Variants in FER observed in about 807,000 individuals in gnomAD.
FER encodes the protein FER tyrosine kinase, also known as tyrosine-protein kinase Fer.
A neutral mutation model predicts 111.0 loss-of-function variants in FER; 63 were observed. The ratio of observed to expected loss-of-function variants is 0.57; its 90% CI spans 0.46 to 0.70. The LOEUF is 0.70. Among genes scored for constraint, FER ranks in the 30% least tolerant of loss-of-function variants. FER has a pLI of 0.00. For synonymous variants in FER, 327 were observed against 313.9 expected (o/e 1.04, Z -0.44); for missense variants, 914 against 954.0 (o/e 0.96, Z 0.55).
chr5:109,097,383 C>A (rs145372915), intron 16 of FER, among the ~76,000 whole-genome samples: 1,656 of 151,070 alleles, frequency 0.011, 17 homozygotes, highest in Non-Finnish European at 0.014. Flanking sequence ...TCTTGATAAG[C>A]AGAATTACAA....
rs111943459 is a variant in FER at position 108,946,302 on chromosome 5, A to ATG, written c.1329+94_1329+95dup. On this transcript the variant is annotated intron_variant, in intron 11 of 19. Coordinates refer to ENST00000281092, the MANE Select transcript of FER (RefSeq NM_005246.4). ...CTGATGCACTAATGAATATATATAT[A>ATG]TGTGTGTGTGTGTGTATATATATGT... 1.6e-3 allele frequency: 1,401 copies of ATG among 859,016 alleles called. 9 individuals are homozygous for ATG. The African/African-American group carries it at 0.017, about 11-fold the overall frequency. 53.2% of individuals were successfully genotyped at this position (859,016 alleles called of 1,614,324 possible). A position where few individuals can be genotyped will look rare whatever the true frequency, so the allele number is the denominator to read the frequency against.
chr5:109,100,949 A>G (rs1582031488), intron 17 of FER, among the ~76,000 whole-genome samples: 1 of 148,328 alleles, frequency 6.7e-6, no homozygotes, highest in East Asian at 1.9e-4. Context: ...GGTCAAGGGT[A>G]AAAGATTTTC....
At chr5:108,911,330 C>T (rs1199547098) in intron 10 of FER, among the ~76,000 whole-genome samples, 1 of 151,026 alleles carries the variant, frequency 6.6e-6, no homozygotes, top group Non-Finnish European at 1.5e-5. Flanking sequence ...TCATTTTTTT[C>T]TTGTGTTGTT....
At chr5:108,840,482 T>A (rs1387490875) in intron 5 of FER, among the ~76,000 whole-genome samples, 1 of 152,168 alleles carries the variant, frequency 6.6e-6, no homozygotes, top group African/African-American at 2.4e-5. Flanking sequence ...GTCTGTAGAC[T>A]CTTAGTCTTT....
intron 3 of FER, among the ~76,000 whole-genome samples, chr5:108,806,715 T>A (rs1757247716): frequency 6.6e-6 from 1 of 152,208 alleles, no homozygotes; most frequent in Admixed American, 6.5e-5. Context: ...CCCTTTGTTT[T>A]GGCCAGCGTC....
chr5:108,938,017 ATCTCTCTC>A (rs141336704), intron 10 of FER, among the ~76,000 whole-genome samples: 8 of 99,288 alleles, frequency 8.1e-5, no homozygotes, highest in Admixed American at 1.2e-4. Context: ...TTTTTTCCCT[ATCTCTCTC>A]TCACACACAC....
At chr5:108,788,804 T>C (rs957873542) in intron 2 of FER, among the ~76,000 whole-genome samples, 11 of 152,214 alleles carry the variant, frequency 7.2e-5, no homozygotes, top group Non-Finnish European at 5.9e-5. Flanking sequence ...CGATTATAGT[T>C]TACTCAAAGT....
chr5:108,854,562 T>G (rs1762819844), intron 5 of FER, among the ~76,000 whole-genome samples: 1 of 152,214 alleles, frequency 6.6e-6, no homozygotes, highest in Non-Finnish European at 1.5e-5. Flanking sequence ...TGTATTGTTT[T>G]GGGGGTTTTA....
intron 3 of FER, among the ~76,000 whole-genome samples, chr5:108,816,097 T>C (rs368312509): frequency 2.0e-5 from 3 of 151,858 alleles, no homozygotes; most frequent in African/African-American, 7.2e-5. Flanking sequence ...ACACCACACA[T>C]ATATACACAC....
intron 11 of FER, among the ~76,000 whole-genome samples, chr5:108,951,913 A>G (rs3906419): frequency 1.3e-5 from 2 of 151,996 alleles, no homozygotes; most frequent in African/African-American, 4.8e-5. Context: ...GGAGAAAAAA[A>G]TAATCTCTTT....
At chr5:108,997,833 G>A (rs190828427) in intron 13 of FER, among the ~76,000 whole-genome samples, 175 of 152,260 alleles carry the variant, frequency 1.1e-3, no homozygotes, top group Non-Finnish European at 2.3e-3. Flanking sequence ...CCTGCCCAGA[G>A]AGGAGGAATC....
At chr5:108,921,247 A>G (rs1752983647) in intron 10 of FER, among the ~76,000 whole-genome samples, 2 of 152,150 alleles carry the variant, frequency 1.3e-5, no homozygotes, top group Admixed American at 1.3e-4. Context: ...GTTGGTTAGA[A>G]TTTACTCTGT....
chr5:109,131,372 C>G (rs1467990728), intron 17 of FER, among the ~76,000 whole-genome samples: 1 of 152,040 alleles, frequency 6.6e-6, no homozygotes, highest in Non-Finnish European at 1.5e-5. Flanking sequence ...CTGTTGAGTT[C>G]TTCCCTGTCA....
intron 3 of FER, among the ~76,000 whole-genome samples, chr5:108,801,704 C>A (rs549492809): frequency 1.3e-5 from 2 of 152,284 alleles, no homozygotes; most frequent in African/African-American, 4.8e-5. Context: ...TTCATTCTTA[C>A]TGTAGCTCTT....
intron 16 of FER, among the ~76,000 whole-genome samples, chr5:109,089,289 T>C (rs1208785312): frequency 4.6e-5 from 7 of 152,182 alleles, no homozygotes; most frequent in East Asian, 1.9e-4. Flanking sequence ...AGAAAACACA[T>C]AGTGAAAAGT....
Position 109,189,844 on chromosome 5 carries a change from T to A in FER, c.*2269T>A, listed in dbSNP as rs1759250978. 6.6e-6 allele frequency: 1 copy of A among 152,228 alleles called. No homozygotes were observed. The highest frequency in any genetic ancestry group is 6.5e-5 in the Admixed American group (1 of 15,280). The allele number at this position is 152,228 out of a possible 1,614,324, so 9.4% of individuals were successfully genotyped here. A position where few individuals can be genotyped will look rare whatever the true frequency, so the allele number is the denominator to read the frequency against. ...CTGGTGTTAAGAATGAACACAGCAT[T>A]GATATTTCACTTATCCAGGCTGTTA... On this transcript the variant is annotated 3_prime_UTR_variant, in exon 20 of 20. Coordinates refer to ENST00000281092, the MANE Select transcript of FER (RefSeq NM_005246.4).
chr5:108,857,806 A>G (rs1416426890), intron 5 of FER, among the ~76,000 whole-genome samples: 3 of 152,186 alleles, frequency 2.0e-5, no homozygotes, highest in Admixed American at 6.5e-5. Flanking sequence ...ATTTTATACT[A>G]TCATAATGAT....
intron 13 of FER, among the ~76,000 whole-genome samples, chr5:109,016,933 C>G (rs1458731547): frequency 6.6e-6 from 1 of 151,926 alleles, no homozygotes; most frequent in Non-Finnish European, 1.5e-5. Context: ...AGACCTATCT[C>G]TACCTGTGAA....
At chr5:108,954,028 A>G (rs548678874) in intron 11 of FER, among the ~76,000 whole-genome samples, 2 of 152,246 alleles carry the variant, frequency 1.3e-5, no homozygotes, top group South Asian at 2.1e-4. Flanking sequence ...GCCTCTTAAA[A>G]TAACAGAGAA....
Sources: allele counts gnomAD v4.1 joint callset (sites outside exome capture counted in the v4.1 genomes callset), GRCh38; gene constraint gnomAD v4.1.1; transcripts MANE v1.5; gene names NCBI Gene and HGNC (gene_info 2026-07-23, HGNC 2026-07-21).